Variants in SLC39A8 observed in about 807,000 individuals in gnomAD.
SLC39A8 encodes metal cation symporter ZIP8.
SLC39A8 carries 15 observed loss-of-function variants against 40.4 expected under a neutral mutation model. That is an observed-to-expected ratio of 0.37 (90% CI 0.25 to 0.57). The LOEUF (loss-of-function observed/expected upper bound fraction) is 0.57, where lower values mean the gene tolerates loss of function less well. Ranked by LOEUF, SLC39A8 falls within the 20% of genes least tolerant of loss-of-function variation. SLC39A8 has a pLI of 0.75. For synonymous variants in SLC39A8, 223 were observed against 221.6 expected, an observed-to-expected ratio of 1.01 and a Z score of -0.06; for missense variants, 472 against 558.8, an observed-to-expected ratio of 0.84 and a Z score of 1.57.
chr4:102,323,706 G>C (rs1025767248), intron 2 of SLC39A8, among the ~76,000 whole-genome samples: 6 of 152,154 alleles, frequency 3.9e-5, no homozygotes, highest in Non-Finnish European at 8.8e-5. Flanking sequence ...TGTCTAGAAA[G>C]GTAAATTTCT....
intron 2 of SLC39A8, among the ~76,000 whole-genome samples, chr4:102,329,013 G>A (rs1247752820): frequency 1.4e-5 from 2 of 146,802 alleles, no homozygotes; most frequent in Non-Finnish European, 3.0e-5. Context: ...GGGTGACAGA[G>A]AGAGACTGAA....
At chr4:102,345,024 G>A in intron 1 of SLC39A8, 109 bp from the exon 2 acceptor site, 4 of 575,856 alleles carry the variant, frequency 6.9e-6, no homozygotes, top group Non-Finnish European at 9.2e-6. Context: ...GGCCGGGCAT[G>A]GGGCCAGACG....
chr4:102,261,102 G>A (rs1170532543), downstream of SLC39A8, among the ~76,000 whole-genome samples: 3 of 150,878 alleles, frequency 2.0e-5, no homozygotes, highest in African/African-American at 7.4e-5. Context: ...CAAAGTATCA[G>A]TGAGAAAGAA....
chr4:102,267,950 C>A lies in SLC39A8; in HGVS notation c.970G>T (p.Ala324Ser). 1 of 1,614,198 alleles carries A rather than the reference C, an allele frequency of 6.2e-7. No homozygotes were observed. Among genetic ancestry groups the A allele is most frequent in the Non-Finnish European group, 8.5e-7 (1 of 1,180,028 alleles). The change falls in exon 7 of 9, where the codon GCT becomes TCT. Residue 324 changes from alanine to serine, a missense_variant. Transcript: ENST00000356736. The stretch of plus-strand genomic sequence containing the variant: ...TGAAGGAGAGACAAGGTGCAGGAAG[C>A]CCCAATCGCCAGGCCATCGATGAAA... Reference protein sequence around the residue: ...HNFIDGLAIGASCTLSLLQGL... With the variant: ...HNFIDGLAIGSSCTLSLLQGL...
intron 11 of SLC39A8, among the ~76,000 whole-genome samples, chr4:102,255,625 A>G (rs1412586748): frequency 6.6e-6 from 1 of 152,198 alleles, no homozygotes; most frequent in Non-Finnish European, 1.5e-5. Context: ...GGTGAGGTTA[A>G]GTGCATTGGT....
At chr4:102,339,615 T>C (rs1735823656) in intron 2 of SLC39A8, among the ~76,000 whole-genome samples, 3 of 152,186 alleles carry the variant, frequency 2.0e-5, no homozygotes. Context: ...CTTAAATAAA[T>C]AATGATTACA....
At chr4:102,253,518 C>A in intron 11 of SLC39A8, 1 of 606,734 alleles carries the variant, frequency 1.6e-6, no homozygotes, top group Non-Finnish European at 3.0e-6. Flanking sequence ...AAGTTGTTAG[C>A]TTTTCTCCTT....
chr4:102,331,586 C>G (rs1337932190), intron 2 of SLC39A8, among the ~76,000 whole-genome samples: 12 of 152,160 alleles, frequency 7.9e-5, no homozygotes, highest in Admixed American at 7.9e-4. Context: ...AACGGCCATA[C>G]TGCCCAACGT....
intron 2 of SLC39A8, among the ~76,000 whole-genome samples, chr4:102,319,287 T>C (rs1388896141): frequency 1.3e-5 from 2 of 152,190 alleles, no homozygotes; most frequent in Non-Finnish European, 2.9e-5. Flanking sequence ...CTCAAGGAAT[T>C]AGGGCAAGTT....
intron 2 of SLC39A8, among the ~76,000 whole-genome samples, chr4:102,323,683 G>A (rs1735061102): frequency 6.6e-6 from 1 of 152,174 alleles, no homozygotes; most frequent in Non-Finnish European, 1.5e-5. Context: ...GTTAAATTTG[G>A]ATGAAGAAAT....
At chr4:102,318,941 GT>G (rs1734776146) in intron 2 of SLC39A8, among the ~76,000 whole-genome samples, 1 of 152,136 alleles carries the variant, frequency 6.6e-6, no homozygotes, top group African/African-American at 2.4e-5. Flanking sequence ...ATGTCCTCGT[GT>G]TCAGCGCGTT....
chr4:102,257,643 C>T (rs1191934497), downstream of SLC39A8, among the ~76,000 whole-genome samples: 3 of 152,188 alleles, frequency 2.0e-5, no homozygotes, highest in Non-Finnish European at 2.9e-5. Context: ...AAGCAGGATA[C>T]AGAAGGGTGG....
chr4:102,259,730 G>A (rs1312284365), downstream of SLC39A8, among the ~76,000 whole-genome samples: 1 of 152,136 alleles, frequency 6.6e-6, no homozygotes, highest in Non-Finnish European at 1.5e-5. Flanking sequence ...GACTGTTTCT[G>A]CTTTACCACA....
In SLC39A8 at chr4:102,262,340, C is replaced by A. The variant is rs1256776234; in HGVS notation, c.*704G>T. The A allele has an allele frequency of 1.0e-6, 1 of 985,446 alleles. No individual in the cohort carries two copies. Among genetic ancestry groups the A allele is most frequent in the Admixed American group, 6.2e-5 (1 of 16,250 alleles). 61.0% of individuals were successfully genotyped at this position (985,446 alleles called of 1,614,324 possible). On this transcript the variant is annotated 3_prime_UTR_variant, in exon 9 of 9. Coordinates refer to ENST00000356736, the MANE Select transcript of SLC39A8 (RefSeq NM_001135146.2). ...ACCACAACATAAGTCAGAAAAAAAG[C>A]TATCCAGCTTTTCGTGGAATCTGGT...
At chr4:102,310,482 AT>A (rs1477136259) in intron 3 of SLC39A8, among the ~76,000 whole-genome samples, 1 of 152,166 alleles carries the variant, frequency 6.6e-6, no homozygotes, top group Non-Finnish European at 1.5e-5. Flanking sequence ...GAATTGATAA[AT>A]TCCCCATTTC....
At position 102,304,833 on chromosome 4, in the gene SLC39A8, C is replaced by T. The variant is rs1200323316; in HGVS notation, c.675+156G>A. On this transcript the variant is annotated intron_variant, in intron 5 of 8. Transcript: ENST00000356736. Reference sequence around the variant, plus strand: ...ACATGAATCAAGTATTTATCTTATACTTGTCAATATATTGACTCTTTGTTC... The same window carrying T: ...ACATGAATCAAGTATTTATCTTATATTTGTCAATATATTGACTCTTTGTTC... Among the ~76,000 whole-genome samples the T allele has an allele frequency of 4.0e-5, 6 of 151,564 alleles. No homozygotes were observed. The East Asian group carries it at 1.2e-3, about 29-fold the overall frequency.
At chr4:102,320,422 G>GT (rs1734898208) in intron 2 of SLC39A8, among the ~76,000 whole-genome samples, 1 of 93,774 alleles carries the variant, frequency 1.1e-5, no homozygotes, top group Non-Finnish European at 2.1e-5. Flanking sequence ...ATATATATGA[G>GT]AATATATATA....
intron 6 of SLC39A8, among the ~76,000 whole-genome samples, chr4:102,298,755 A>G (rs1733782335): frequency 6.6e-6 from 1 of 150,734 alleles, no homozygotes; most frequent in African/African-American, 2.4e-5. Context: ...TGTATTTTGG[A>G]AGATGGAAAG....
intron 6 of SLC39A8, 61 bp downstream of exon 6, chr4:102,304,256 G>A: frequency 7.7e-7 from 1 of 1,291,324 alleles, no homozygotes; most frequent in South Asian, 1.4e-5. Flanking sequence ...TGCATAAACA[G>A]TCATGTTTAC....
Sources: allele counts gnomAD v4.1 joint callset (sites outside exome capture counted in the v4.1 genomes callset), GRCh38; gene constraint gnomAD v4.1.1; transcripts MANE v1.5; gene names NCBI Gene and HGNC (gene_info 2026-07-23, HGNC 2026-07-21).